The following ADAM12 variants were observed in gnomAD, a reference collection of about 807,000 sequenced individuals.
ADAM12 encodes disintegrin and metalloproteinase domain-containing protein 12.
A neutral mutation model predicts 106.4 loss-of-function variants in ADAM12; 70 were observed. That is an observed-to-expected ratio of 0.66 (90% CI 0.54 to 0.80). The LOEUF (loss-of-function observed/expected upper bound fraction) is 0.80. ADAM12 is among the 30% of genes least tolerant of loss of function. ADAM12 has a pLI of 0.00. For missense variants in ADAM12, 1,010 were observed against 1,171.9 expected (o/e 0.86, Z 2.02); for synonymous variants, 420 against 433.5 (o/e 0.97, Z 0.39).
chr10:126,312,630 C>T (rs1961160702), intron 2 of ADAM12, among the ~76,000 whole-genome samples: 1 of 152,114 alleles, frequency 6.6e-6, no homozygotes, highest in African/African-American at 2.4e-5. Flanking sequence ...GCAGAAGTCT[C>T]TCTGAATTCG....
chr10:126,225,074 AG>A (rs1159107313), intron 3 of ADAM12, among the ~76,000 whole-genome samples: 1 of 152,332 alleles, frequency 6.6e-6, no homozygotes, highest in East Asian at 1.9e-4. Context: ...GGATCCTCTG[AG>A]CCCACTGTTT....
chr10:126,045,914 A>C (rs1270981084), intron 17 of ADAM12, 141 bp downstream of exon 17: 1 of 693,054 alleles, frequency 1.4e-6, no homozygotes, highest in Non-Finnish European at 2.4e-6. Flanking sequence ...AAAGAAATGA[A>C]TACCTTTAGA....
chr10:126,324,858 G>A (rs186352732), intron 2 of ADAM12, among the ~76,000 whole-genome samples: 163 of 152,010 alleles, frequency 1.1e-3, no homozygotes, highest in African/African-American at 3.7e-3. Flanking sequence ...AGAATGAGAG[G>A]TGTGGATTTT....
chr10:126,041,379 C>T, intron 18 of ADAM12: 5 of 985,732 alleles, frequency 5.1e-6, no homozygotes, highest in African/African-American at 1.7e-5. Context: ...CAGTAATGGC[C>T]ACGGGGGATG....
chr10:126,139,096 A>G (rs1354145748), intron 4 of ADAM12, among the ~76,000 whole-genome samples: 2 of 152,186 alleles, frequency 1.3e-5, no homozygotes, highest in African/African-American at 4.8e-5. Context: ...ACAGAATCCA[A>G]TTTTAAGCTA....
intron 3 of ADAM12, among the ~76,000 whole-genome samples, chr10:126,193,524 G>A (rs1466399961): frequency 6.6e-6 from 1 of 152,122 alleles, no homozygotes; most frequent in East Asian, 1.9e-4. Flanking sequence ...ATAAAACTAA[G>A]CTATGAAACC....
intron 8 of ADAM12, among the ~76,000 whole-genome samples, chr10:126,104,640 C>T (rs1297069731): frequency 6.6e-6 from 1 of 152,030 alleles, no homozygotes. Context: ...CCCCGGGCTC[C>T]TGTGGGAATG....
intron 5 of ADAM12, among the ~76,000 whole-genome samples, chr10:126,119,254 G>C (rs1956042620): frequency 6.6e-6 from 1 of 152,176 alleles, no homozygotes; most frequent in African/African-American, 2.4e-5. Context: ...CTCTGGGTTT[G>C]AGTTCCAGTT....
At chr10:126,183,056 G>A (rs1957342770) in intron 3 of ADAM12, among the ~76,000 whole-genome samples, 1 of 152,108 alleles carries the variant, frequency 6.6e-6, no homozygotes, top group Non-Finnish European at 1.5e-5. Flanking sequence ...TCTCACAAGA[G>A]TTTGAACCCT....
At position 126,019,683 on chromosome 10, in the gene ADAM12, T is replaced by C; in HGVS notation, c.2660+12A>G. 3.7e-6 allele frequency: 6 copies of C among 1,611,616 alleles called. No homozygotes were observed. The highest frequency in any genetic ancestry group is 5.1e-6 in the Non-Finnish European group (6 of 1,178,566). ...GAGAGAGAAAGAGATGGGCATGGCA[T>C]GTCACACAAACCTGAGGGGTGCCAG... On this transcript the variant is annotated intron_variant, in intron 22 of 22. Coordinates refer to ENST00000448723, the MANE Select transcript of ADAM12 (RefSeq NM_001288973.2).
At chr10:126,226,637 A>G (rs1196750593) in intron 3 of ADAM12, among the ~76,000 whole-genome samples, 2 of 152,202 alleles carry the variant, frequency 1.3e-5, no homozygotes, top group Non-Finnish European at 2.9e-5. Flanking sequence ...CTCCCATTCA[A>G]GTTTGTTGTG....
chr10:126,279,003 A>G lies in ADAM12; in HGVS notation c.187-15T>C. The G allele has an allele frequency of 6.2e-7, 1 of 1,607,396 alleles. No individual in the cohort carries two copies. The highest frequency in any genetic ancestry group is 8.5e-7 in the Non-Finnish European group (1 of 1,174,550). On this transcript the variant is annotated splice_polypyrimidine_tract_variant and intron_variant, in intron 2 of 22. Coordinates refer to ENST00000448723, the MANE Select transcript of ADAM12 (RefSeq NM_001288973.2). The stretch of plus-strand genomic sequence containing the variant: ...TCTGGATGATTCTGAAAGATAAACA[A>G]CAAAAGTCAGTTGAAAAACGCTTGG...
intron 3 of ADAM12, among the ~76,000 whole-genome samples, chr10:126,271,591 C>G (rs1185067020): frequency 6.6e-6 from 1 of 152,166 alleles, no homozygotes; most frequent in Non-Finnish European, 1.5e-5. Flanking sequence ...ATGGTGAAAC[C>G]CGGTCTCTAC....
chr10:126,028,933 AGT>A lies in ADAM12; in HGVS notation c.2529+7211_2529+7212del, dbSNP rs566920696. On this transcript the variant is annotated intron_variant, in intron 21 of 22. Transcript: ENST00000448723. ...TTAAAATTACAAGAAAACAGTAAAA[AGT>A]GGGCAAAAGACATGAACAGACACTT... Among the ~76,000 whole-genome samples the A allele has an allele frequency of 7.2e-5, 11 of 152,350 alleles. No individual in the cohort carries two copies. In the South Asian group the frequency reaches 2.1e-3, roughly 29 times the overall value.
At chr10:126,041,781 A>G (rs912810335) in intron 18 of ADAM12, 61 of 1,090,794 alleles carry the variant, frequency 5.6e-5, no homozygotes, top group South Asian at 3.3e-4. Context: ...CTTCTCCCCC[A>G]CTGCTGTGGA....
At chr10:126,183,739 G>A (rs1957354539) in intron 3 of ADAM12, among the ~76,000 whole-genome samples, 1 of 152,100 alleles carries the variant, frequency 6.6e-6, no homozygotes, top group African/African-American at 2.4e-5. Flanking sequence ...ACAACCACAG[G>A]AGCCTGTGAC....
intron 3 of ADAM12, among the ~76,000 whole-genome samples, chr10:126,171,429 T>C (rs962359560): frequency 2.6e-5 from 4 of 152,222 alleles, no homozygotes; most frequent in African/African-American, 9.7e-5. Flanking sequence ...GAAGCAGTAA[T>C]TCATTACATT....
intron 20 of ADAM12, 24 bp from the exon 21 acceptor site, chr10:126,036,349 A>G (rs1408209160): frequency 4.5e-6 from 7 of 1,562,802 alleles, no homozygotes; most frequent in Non-Finnish European, 5.2e-6. Context: ...GTAAAAAGCC[A>G]TGCTATAGCG....
In ADAM12 at chr10:126,086,681, ATAT is replaced by A. The variant is rs1258026214; in HGVS notation, c.1145+7301_1145+7303del. On this transcript the variant is annotated intron_variant, in intron 11 of 22. Coordinates refer to ENST00000448723, the MANE Select transcript of ADAM12 (RefSeq NM_001288973.2). Reference sequence around the variant, plus strand: ...AAAAAAAAAAAAAAAAAAAAAAAAAATATATATATATATATATATATATATAAA... The same window carrying A: ...AAAAAAAAAAAAAAAAAAAAAAAAAAATATATATATATATATATATATAAA... Among the ~76,000 whole-genome samples the A allele has an allele frequency of 1.1e-3, 32 of 28,446 alleles. 1 individual carries two copies. Among genetic ancestry groups the A allele is most frequent in the African/African-American group, 4.1e-3 (13 of 3,150 alleles). 18.7% of individuals were successfully genotyped at this position (28,446 alleles called of 152,430 possible). A position where few individuals can be genotyped will look rare whatever the true frequency, so the allele number is the denominator to read the frequency against.
Sources: allele counts gnomAD v4.1 joint callset (sites outside exome capture counted in the v4.1 genomes callset), GRCh38; gene constraint gnomAD v4.1.1; transcripts MANE v1.5; gene names NCBI Gene and HGNC (gene_info 2026-07-23, HGNC 2026-07-21).